FAR2: variants seen among roughly 807,000 people sequenced by gnomAD.
FAR2 encodes fatty acyl-CoA reductase 2, also known as epididymis secretory protein Li 81.
Under a neutral mutation model 56.0 loss-of-function variants are expected in FAR2, and 19 were observed. The ratio of observed to expected loss-of-function variants is 0.34; its 90% CI spans 0.24 to 0.50. The LOEUF (loss-of-function observed/expected upper bound fraction) is 0.50, where lower values mean the gene tolerates loss of function less well. FAR2 is among the 20% of genes least tolerant of loss of function. The probability of loss-of-function intolerance (pLI) is 0.98; values close to 1 mark genes in which losing one functional copy is unlikely to be tolerated. For missense variants in FAR2, 508 were observed against 642.2 expected (o/e 0.79, Z 2.26); for synonymous variants, 219 against 218.8 (o/e 1.00, Z -0.01).
intron 1 of FAR2, among the ~76,000 whole-genome samples, chr12:29,168,010 C>A (rs1193989281): frequency 6.6e-6 from 1 of 152,166 alleles, no homozygotes; most frequent in Admixed American, 6.5e-5. Flanking sequence ...ACAGTGTCGT[C>A]AAAATAAATG....
At chr12:29,246,745 A>C (rs947127342) in intron 1 of FAR2, among the ~76,000 whole-genome samples, 2 of 152,172 alleles carry the variant, frequency 1.3e-5, no homozygotes, top group Admixed American at 6.5e-5. Flanking sequence ...ACTATTAAGA[A>C]GTAATTTTTG....
intron 1 of FAR2, among the ~76,000 whole-genome samples, chr12:29,234,393 CCTT>C (rs965628098): frequency 1.3e-4 from 20 of 152,148 alleles, no homozygotes; most frequent in Non-Finnish European, 5.9e-5. Context: ...TTCAGCCTCA[CCTT>C]CTACATCCAG....
intron 8 of FAR2, among the ~76,000 whole-genome samples, chr12:29,314,039 T>C (rs1341796072): frequency 6.6e-6 from 1 of 152,222 alleles, no homozygotes; most frequent in African/African-American, 2.4e-5. Flanking sequence ...TTTAGTTGTA[T>C]GATGTTTATG....
chr12:29,185,252 C>A (rs1950030345), intron 1 of FAR2, among the ~76,000 whole-genome samples: 1 of 152,032 alleles, frequency 6.6e-6, no homozygotes, highest in Admixed American at 6.6e-5. Flanking sequence ...TACCCTAGTC[C>A]CACTGAAAAT....
At chr12:29,283,997 C>A (rs762398995) in intron 2 of FAR2, among the ~76,000 whole-genome samples, 1 of 152,154 alleles carries the variant, frequency 6.6e-6, no homozygotes, top group Non-Finnish European at 1.5e-5. Flanking sequence ...GAAAGCATTT[C>A]GAGTTTCCTA....
rs1386603663 is a variant in FAR2, at chr12:29,167,470, T to G, written c.-39+18063T>G. Among the ~76,000 whole-genome samples the G allele has an allele frequency of 3.9e-5, 6 of 152,210 alleles. No homozygotes were observed. In the South Asian group the frequency reaches 1.2e-3, roughly 32 times the overall value. The stretch of plus-strand genomic sequence containing the variant: ...TTCCCTCTGAACTTCTCCAGAGGCT[T>G]ACTTCCACTTATTTTCGTTCTCTCC... On this transcript the variant is annotated intron_variant, in intron 1 of 11. Coordinates refer to ENST00000536681, the MANE Select transcript of FAR2 (RefSeq NM_001271783.2).
At chr12:29,294,410 G>A (rs1949021609) in intron 3 of FAR2, among the ~76,000 whole-genome samples, 1 of 151,800 alleles carries the variant, frequency 6.6e-6, no homozygotes, top group African/African-American at 2.4e-5. Context: ...TGCAATGGCA[G>A]GATCTTGGCT....
At chr12:29,284,831 T>TTTTG (rs71042977) in intron 2 of FAR2, among the ~76,000 whole-genome samples, 21,240 of 149,648 alleles carry the variant, frequency 0.14, 2,862 homozygotes, top group African/African-American at 0.35. Context: ...AGCATTACTG[T>TTTTG]TTTGTTTGTT....
intron 1 of FAR2, among the ~76,000 whole-genome samples, chr12:29,214,683 T>TG (rs1252026137): frequency 2.0e-5 from 3 of 151,464 alleles, no homozygotes; most frequent in Non-Finnish European, 4.4e-5. Context: ...TAGCTAGGCG[T>TG]GGGGGTGGGT....
Position 29,203,718 on chromosome 12 carries a change from G to A in FAR2, c.-39+54311G>A, listed in dbSNP as rs73075593. Among the ~76,000 whole-genome samples the A allele has an allele frequency of 8.4e-3, 1,285 of 152,178 alleles. 16 individuals carry two copies. Among genetic ancestry groups the A allele is most frequent in the African/African-American group, 0.023 (956 of 41,518 alleles). On this transcript the variant is annotated intron_variant, in intron 1 of 11. Transcript: ENST00000536681. ...TTCTCAGGTAGATGAAAATTATGTC[G>A]GCCGGGGGCGGTGGCTCACGCCTGT...
chr12:29,266,855 G>T (rs1446671916), intron 1 of FAR2, among the ~76,000 whole-genome samples: 1 of 151,996 alleles, frequency 6.6e-6, no homozygotes, highest in Non-Finnish European at 1.5e-5. Flanking sequence ...TAAAATTTTA[G>T]ATCATACCTT....
intron 1 of FAR2, among the ~76,000 whole-genome samples, chr12:29,150,478 A>G (rs1565674102): frequency 3.3e-5 from 5 of 152,206 alleles, no homozygotes. Context: ...CACTGGGCAA[A>G]TGGAAATTTG....
intron 1 of FAR2, among the ~76,000 whole-genome samples, chr12:29,222,360 G>A (rs148665383): frequency 2.0e-5 from 3 of 152,278 alleles, no homozygotes; most frequent in Non-Finnish European, 4.4e-5. Flanking sequence ...TGTCAAGAAA[G>A]ATTTTATTCA....
chr12:29,311,755 G>T, intron 7 of FAR2, 128 bp from the exon 8 acceptor site: 1 of 616,984 alleles, frequency 1.6e-6, no homozygotes, highest in Non-Finnish European at 2.8e-6. Flanking sequence ...AACGATGGAA[G>T]CCTTTCATAG....
At chr12:29,318,561 T>C (rs190988016) in intron 9 of FAR2, among the ~76,000 whole-genome samples, 60 of 152,288 alleles carry the variant, frequency 3.9e-4, no homozygotes, top group Non-Finnish European at 7.9e-4. Flanking sequence ...AGCAATAATC[T>C]TTATGGCAGA....
intron 10 of FAR2, among the ~76,000 whole-genome samples, chr12:29,323,889 T>A (rs994404772): frequency 6.6e-6 from 1 of 152,082 alleles, no homozygotes; most frequent in African/African-American, 2.4e-5. Flanking sequence ...GGAACAAAGC[T>A]GGACAGAGAA....
At chr12:29,192,890 G>A (rs1364832950) in intron 1 of FAR2, among the ~76,000 whole-genome samples, 1 of 151,966 alleles carries the variant, frequency 6.6e-6, no homozygotes. Context: ...CAAATGCTTC[G>A]GTTTCTTTAG....
intron 1 of FAR2, among the ~76,000 whole-genome samples, chr12:29,152,562 A>T (rs1949689951): frequency 6.6e-6 from 1 of 152,226 alleles, no homozygotes; most frequent in African/African-American, 2.4e-5. Context: ...AAACTCCTTT[A>T]TTAAGGTCTT....
At chr12:29,296,403 C>T (rs542928848) in intron 3 of FAR2, among the ~76,000 whole-genome samples, 230 of 152,302 alleles carry the variant, frequency 1.5e-3, no homozygotes, top group Middle Eastern at 6.8e-3. Context: ...TTTCAAAATA[C>T]ATATAGATTC....
Sources: gnomAD v4.1 joint callset for allele counts (sites outside exome capture counted in the v4.1 genomes callset) on GRCh38, gnomAD v4.1.1 for gene constraint, MANE v1.5 for transcripts, NCBI Gene and HGNC (gene_info 2026-07-23, HGNC 2026-07-21) for gene names.